Variants in FILIP1 observed in about 807,000 individuals in gnomAD.
The protein encoded by FILIP1 is filamin-A-interacting protein 1.
Under a neutral mutation model 102.1 loss-of-function variants are expected in FILIP1, and 61 were observed. The observed-to-expected ratio is 0.60, with a 90% confidence interval of 0.49 to 0.74. The LOEUF (loss-of-function observed/expected upper bound fraction) is 0.74. FILIP1 is among the 30% of genes least tolerant of loss of function. The probability of loss-of-function intolerance (pLI) is 0.00; values close to 1 mark genes in which losing one functional copy is unlikely to be tolerated. For synonymous variants in FILIP1, 491 were observed against 526.9 expected (o/e 0.93, Z 0.93); for missense variants, 1,314 against 1,441.2 (o/e 0.91, Z 1.43).
chr6:75,345,613 C>A (rs991936300), intron 4 of FILIP1, among the ~76,000 whole-genome samples: 2 of 152,042 alleles, frequency 1.3e-5, no homozygotes, highest in African/African-American at 2.4e-5. Context: ...CTTTTCCGTG[C>A]GCTATGTAAA....
At chr6:75,315,737 A>T (rs973829327) in intron 4 of FILIP1, among the ~76,000 whole-genome samples, 16 of 152,262 alleles carry the variant, frequency 1.1e-4, no homozygotes, top group Admixed American at 9.8e-4. Context: ...AGAGTCAGTA[A>T]GTGGCAGGGC....
intron 2 of FILIP1, among the ~76,000 whole-genome samples, chr6:75,407,761 GA>G (rs1474397670): frequency 6.6e-6 from 1 of 152,114 alleles, no homozygotes; most frequent in Non-Finnish European, 1.5e-5. Flanking sequence ...CAACAAAAGG[GA>G]AAAGAATGAA....
intron 3 of FILIP1, among the ~76,000 whole-genome samples, chr6:75,358,103 T>C (rs1205125992): frequency 6.6e-6 from 1 of 152,218 alleles, no homozygotes; most frequent in Non-Finnish European, 1.5e-5. Context: ...GGAAAGAGTG[T>C]ACCTGGAAGT....
chr6:75,485,325 C>T (rs1051190515), intron 1 of FILIP1, among the ~76,000 whole-genome samples: 1 of 152,166 alleles, frequency 6.6e-6, no homozygotes, highest in Non-Finnish European at 1.5e-5. Flanking sequence ...AGTAGCAGTA[C>T]AAGTCCTGTG....
intron 1 of FILIP1, among the ~76,000 whole-genome samples, chr6:75,420,027 A>G (rs1562574469): frequency 6.6e-6 from 1 of 152,160 alleles, no homozygotes; most frequent in African/African-American, 2.4e-5. Context: ...TACTTAAAGT[A>G]TTTTTTATCC....
intron 1 of FILIP1, among the ~76,000 whole-genome samples, chr6:75,486,941 G>A (rs1475130533): frequency 6.6e-6 from 1 of 152,020 alleles, no homozygotes; most frequent in African/African-American, 2.4e-5. Flanking sequence ...AGAAGTTGGG[G>A]ATGTCTTATC....
chr6:75,480,248 C>G (rs1021380905), intron 1 of FILIP1, among the ~76,000 whole-genome samples: 1 of 58,546 alleles, frequency 1.7e-5, no homozygotes, highest in Admixed American at 1.3e-4. Context: ...GATTTGAAAT[C>G]TTTTTTATAA....
intron 1 of FILIP1, among the ~76,000 whole-genome samples, chr6:75,482,951 T>C (rs1779684646): frequency 6.6e-6 from 1 of 152,184 alleles, no homozygotes; most frequent in Middle Eastern, 3.2e-3. Flanking sequence ...ATTTATCAGG[T>C]TGAATTTTTG....
chr6:75,457,670 T>C (rs1333522565), intron 1 of FILIP1, among the ~76,000 whole-genome samples: 1 of 150,998 alleles, frequency 6.6e-6, no homozygotes, highest in African/African-American at 2.4e-5. Flanking sequence ...ATCAATGCCC[T>C]AAGCACATAT....
At chr6:75,326,278 T>C (rs986800297) in intron 4 of FILIP1, among the ~76,000 whole-genome samples, 1 of 152,094 alleles carries the variant, frequency 6.6e-6, no homozygotes, top group African/African-American at 2.4e-5. Flanking sequence ...TGTTCTCACT[T>C]ATAAGTGAGA....
At chr6:75,307,079 A>T (rs867466340), downstream of FILIP1, among the ~76,000 whole-genome samples, 3 of 152,214 alleles carry the variant, frequency 2.0e-5, no homozygotes, top group African/African-American at 7.2e-5. Flanking sequence ...CTGGGATTAC[A>T]GGCATGAGCC....
chr6:75,403,513 A>AC (rs1776730680), intron 2 of FILIP1, among the ~76,000 whole-genome samples: 3 of 133,590 alleles, frequency 2.2e-5, no homozygotes, highest in Non-Finnish European at 3.2e-5. Context: ...ACTCTGTCCC[A>AC]CAAAAAAAAA....
chr6:75,416,372 A>C (rs1035244264), intron 1 of FILIP1, among the ~76,000 whole-genome samples: 1 of 152,124 alleles, frequency 6.6e-6, no homozygotes, highest in Non-Finnish European at 1.5e-5. Context: ...CCAGCTTTTA[A>C]CAATATAAAC....
intron 4 of FILIP1, among the ~76,000 whole-genome samples, chr6:75,325,089 A>G (rs867291592): frequency 1.3e-5 from 2 of 152,290 alleles, no homozygotes; most frequent in Middle Eastern, 6.8e-3. Flanking sequence ...AATAGATGGA[A>G]CCTAACTAAA....
At chr6:75,444,781 A>G (rs1444320175) in intron 1 of FILIP1, among the ~76,000 whole-genome samples, 1 of 152,204 alleles carries the variant, frequency 6.6e-6, no homozygotes, top group Admixed American at 6.5e-5. Flanking sequence ...ACTTACACAT[A>G]CTGCTCCTGT....
At chr6:75,442,723 C>G (rs1045746503) in intron 1 of FILIP1, among the ~76,000 whole-genome samples, 1 of 150,610 alleles carries the variant, frequency 6.6e-6, no homozygotes, top group Non-Finnish European at 1.5e-5. Context: ...AGCCTTGGCT[C>G]GGCATCAGAG....
chr6:75,348,376 T>A (rs973270012), intron 4 of FILIP1, among the ~76,000 whole-genome samples: 1 of 152,232 alleles, frequency 6.6e-6, no homozygotes, highest in African/African-American at 2.4e-5. Context: ...TAAAAAATAT[T>A]TTTGTCTTTA....
chr6:75,479,854 G>A (rs1019967363), intron 1 of FILIP1, among the ~76,000 whole-genome samples: 3 of 94,924 alleles, frequency 3.2e-5, no homozygotes, highest in Middle Eastern at 0.014. Flanking sequence ...GGGCCACAGA[G>A]TAAAGCTGTA....
chr6:75,445,488 C>T (rs1213094418), intron 1 of FILIP1, among the ~76,000 whole-genome samples: 2 of 152,138 alleles, frequency 1.3e-5, no homozygotes. Flanking sequence ...ACTTTCCCTT[C>T]CCTGATTTCC....
Sources: allele counts gnomAD v4.1 joint callset (sites outside exome capture counted in the v4.1 genomes callset), GRCh38; gene constraint gnomAD v4.1.1; transcripts MANE v1.5; gene names NCBI Gene and HGNC (gene_info 2026-07-23, HGNC 2026-07-21).